The following PCDH15 variants were observed in gnomAD, a reference collection of about 807,000 sequenced individuals.
The protein encoded by PCDH15 is protocadherin-15.
A neutral mutation model predicts 178.5 loss-of-function variants in PCDH15; 129 were observed. The ratio of observed to expected loss-of-function variants is 0.72; its 90% confidence interval spans 0.63 to 0.84. The LOEUF (loss-of-function observed/expected upper bound fraction) is 0.84, where lower values mean the gene tolerates loss of function less well. PCDH15 is among the 40% of genes least tolerant of loss of function. The probability of loss-of-function intolerance (pLI) is 0.00; values close to 1 mark genes in which losing one functional copy is unlikely to be tolerated. For missense variants in PCDH15, 2,230 were observed against 2,099.9 expected (o/e 1.06, Z -1.21); for synonymous variants, 800 against 732.0 (o/e 1.09, Z -1.50).
intron 18 of PCDH15, among the ~76,000 whole-genome samples, chr10:54,044,528 T>C (rs1283475333): frequency 2.6e-5 from 4 of 152,114 alleles, no homozygotes; most frequent in Non-Finnish European, 5.9e-5. Context: ...TGAATGTTGC[T>C]ATGAAACTTG....
intron 18 of PCDH15, among the ~76,000 whole-genome samples, chr10:54,031,535 G>A (rs2093294873): frequency 7.1e-6 from 1 of 141,368 alleles, no homozygotes; most frequent in Non-Finnish European, 1.6e-5. Context: ...GAGCACAGAT[G>A]GAAATATGGT....
intron 2 of PCDH15, among the ~76,000 whole-genome samples, chr10:55,012,656 C>A (rs952161188): frequency 2.0e-5 from 3 of 152,088 alleles, no homozygotes; most frequent in African/African-American, 7.2e-5. Context: ...CTCACTATTT[C>A]TCTCTGAAAC....
At chr10:54,004,978 T>C (rs1377647872) in intron 20 of PCDH15, among the ~76,000 whole-genome samples, 1 of 149,020 alleles carries the variant, frequency 6.7e-6, no homozygotes, top group Non-Finnish European at 1.5e-5. Context: ...CATATATCCA[T>C]GGAACAGAAT....
chr10:55,012,972 T>C (rs926738987), intron 2 of PCDH15, among the ~76,000 whole-genome samples: 2 of 152,146 alleles, frequency 1.3e-5, no homozygotes, highest in African/African-American at 4.8e-5. Flanking sequence ...GCTCAATATA[T>C]GCTACATTAA....
At chr10:55,001,390 C>T (rs1839791242) in intron 2 of PCDH15, among the ~76,000 whole-genome samples, 1 of 152,170 alleles carries the variant, frequency 6.6e-6, no homozygotes, top group African/African-American at 2.4e-5. Context: ...ACACACTTGC[C>T]ACGTTGTGGG....
chr10:54,954,680 T>A (rs1487579040), intron 2 of PCDH15, among the ~76,000 whole-genome samples: 1 of 151,316 alleles, frequency 6.6e-6, no homozygotes, highest in African/African-American at 2.4e-5. Flanking sequence ...TTGTATTTTC[T>A]AATACAAAAA....
intron 2 of PCDH15, among the ~76,000 whole-genome samples, chr10:54,619,631 A>G (rs1216616884): frequency 1.3e-5 from 2 of 152,084 alleles, no homozygotes; most frequent in Non-Finnish European, 2.9e-5. Flanking sequence ...TCTAAATTAA[A>G]TAAGATGTGC....
At chr10:54,290,471 G>A (rs2059327645) in intron 8 of PCDH15, among the ~76,000 whole-genome samples, 2 of 152,176 alleles carry the variant, frequency 1.3e-5, no homozygotes. Context: ...TGGATGCTAT[G>A]AAGAAACTGC....
intron 2 of PCDH15, among the ~76,000 whole-genome samples, chr10:55,103,481 C>A (rs1842616974): frequency 6.6e-6 from 1 of 152,114 alleles, no homozygotes; most frequent in African/African-American, 2.4e-5. Context: ...TATCCACAAT[C>A]TCTTTCATGA....
At chr10:55,609,432 G>A (rs1005584147) in intron 2 of PCDH15, among the ~76,000 whole-genome samples, 2 of 152,086 alleles carry the variant, frequency 1.3e-5, no homozygotes, top group Admixed American at 1.3e-4. Flanking sequence ...ATCATGTGAT[G>A]TCAAATATGA....
chr10:54,404,082 C>G (rs1250024536), intron 3 of PCDH15, among the ~76,000 whole-genome samples: 1 of 151,774 alleles, frequency 6.6e-6, no homozygotes, highest in African/African-American at 2.4e-5. Flanking sequence ...ATTAAACTAC[C>G]AATGACATTC....
At chr10:54,441,036 G>T (rs1033165916) in intron 3 of PCDH15, among the ~76,000 whole-genome samples, 2 of 151,876 alleles carry the variant, frequency 1.3e-5, no homozygotes, top group African/African-American at 4.8e-5. Context: ...AAGTGTTTGA[G>T]TCTTCCTGAA....
At chr10:54,811,268 G>A (rs1952858179) in intron 3 of PCDH15, among the ~76,000 whole-genome samples, 1 of 151,884 alleles carries the variant, frequency 6.6e-6, no homozygotes, top group Admixed American at 6.6e-5. Context: ...TTTTTCCTGA[G>A]AAAAATTTAT....
At chr10:53,830,486 T>C (rs2076954652) in intron 30 of PCDH15, among the ~76,000 whole-genome samples, 1 of 152,258 alleles carries the variant, frequency 6.6e-6, no homozygotes, top group African/African-American at 2.4e-5. Flanking sequence ...CAGGGCTACT[T>C]CTCTTCTTAA....
chr10:54,686,474 A>G (rs1287834185), intron 1 of PCDH15, among the ~76,000 whole-genome samples: 1 of 152,162 alleles, frequency 6.6e-6, no homozygotes, highest in Non-Finnish European at 1.5e-5. Context: ...TGTCATATCC[A>G]TAAAATCATT....
intron 6 of PCDH15, among the ~76,000 whole-genome samples, chr10:54,330,763 C>T (rs1001740254): frequency 1.3e-5 from 2 of 151,848 alleles, no homozygotes; most frequent in Admixed American, 6.6e-5. Flanking sequence ...AGATAAATCT[C>T]TTATTCTTAA....
intron 2 of PCDH15, chr10:54,599,581 C>G (rs1038892031): frequency 6.9e-6 from 2 of 289,044 alleles, no homozygotes; most frequent in African/African-American, 4.5e-5. Flanking sequence ...CAATACTATT[C>G]TGAACATAAG....
chr10:54,475,852 CA>C (rs2078237388), intron 3 of PCDH15, among the ~76,000 whole-genome samples: 1 of 150,802 alleles, frequency 6.6e-6, no homozygotes, highest in Non-Finnish European at 1.5e-5. Context: ...CATAAACTGT[CA>C]ACAAATTCCC....
intron 1 of PCDH15, among the ~76,000 whole-genome samples, chr10:54,702,312 A>G (rs1269580741): frequency 1.3e-5 from 2 of 151,692 alleles, no homozygotes; most frequent in Non-Finnish European, 3.0e-5. Context: ...GCAGTGTTAA[A>G]CAAAAATAAA....
Sources: gnomAD v4.1 joint callset for allele counts (sites outside exome capture counted in the v4.1 genomes callset) on GRCh38, gnomAD v4.1.1 for gene constraint, MANE v1.5 for transcripts, NCBI Gene and HGNC (gene_info 2026-07-23, HGNC 2026-07-21) for gene names.